Variants in UGT1A10 observed in about 807,000 individuals in gnomAD.
The protein encoded by UGT1A10 is UDP-glucuronosyltransferase 1A10.
A neutral mutation model predicts 45.8 loss-of-function variants in UGT1A10; 49 were observed. The ratio of observed to expected loss-of-function variants is 1.07; its 90% confidence interval spans 0.85 to 1.36. The LOEUF (loss-of-function observed/expected upper bound fraction) is 1.36. UGT1A10 is among the 40% of genes most tolerant of loss of function. The pLI, the probability that UGT1A10 is intolerant of heterozygous loss-of-function variation, is 0.00. For synonymous variants in UGT1A10, 284 were observed against 249.7 expected (o/e 1.14, Z -1.29); for missense variants, 745 against 668.6 (o/e 1.11, Z -1.26).
chr2:233,681,955 G>C, intron 1 of UGT1A10: 3 of 1,613,914 alleles, frequency 1.9e-6, no homozygotes, highest in Non-Finnish European at 2.5e-6. Context: ...GTGCAGGGTG[G>C]ACTGGCCTCC....
intron 1 of UGT1A10, chr2:233,742,938 A>G: frequency 4.7e-6 from 1 of 214,112 alleles, no homozygotes; most frequent in Admixed American, 5.3e-5. Context: ...ATTCTGTCCT[A>G]CCACTAGCAA....
At position 233,677,470 on chromosome 2, in the gene UGT1A10, T is replaced by C. The variant is rs111818188; in HGVS notation, c.855+40093T>C. Among the ~76,000 whole-genome samples, 1,389 of 152,292 alleles carry C rather than the reference T, an allele frequency of 9.1e-3. 20 individuals are homozygous for C. The highest frequency in any genetic ancestry group is 0.031 in the African/African-American group (1,307 of 41,556). ...AAAGCCTTGCCAATACCATAAACAG[T>C]CAATTAACACATAGTTTGTATGTTA... On this transcript the variant is annotated intron_variant, in intron 1 of 4. Transcript: ENST00000344644.
chr2:233,713,035 G>T, intron 1 of UGT1A10: 1 of 1,613,988 alleles, frequency 6.2e-7, no homozygotes, highest in Non-Finnish European at 8.5e-7. Context: ...CTGGCCACAG[G>T]ACTGCTGCTT....
intron 1 of UGT1A10, among the ~76,000 whole-genome samples, chr2:233,704,447 T>C (rs2075789170): frequency 6.6e-6 from 1 of 152,328 alleles, no homozygotes; most frequent in African/African-American, 2.4e-5. Context: ...TGAAATGTCA[T>C]TCCTATATAG....
Position 233,767,908 on chromosome 2 carries a change from T to C in UGT1A10, c.1047T>C (p.Val349=). ...PSNLANNTIL[V]KWLPQNDLLG... ...ATCTTGCGAACAACACGATACTTGT[T>C]AAGTGGCTACCCCAAAACGATCTGC... The change falls in exon 3 of 5, where the codon GTT becomes GTC. Residue 349 remains valine (V), a synonymous_variant. Coordinates refer to ENST00000344644, the MANE Select transcript of UGT1A10 (RefSeq NM_019075.4). 6.2e-7 allele frequency: 1 copy of C among 1,614,222 alleles called. No individual in the cohort carries two copies.
At chr2:233,737,845 C>A (rs993893058) in intron 1 of UGT1A10, among the ~76,000 whole-genome samples, 6 of 152,132 alleles carry the variant, frequency 3.9e-5, no homozygotes, top group Admixed American at 6.5e-5. Context: ...TGGCACAGGT[C>A]ACTCTTGCTA....
chr2:233,693,273 G>A lies in UGT1A10; in HGVS notation c.855+55896G>A, dbSNP rs147761911. ...TATGACCAAGAAGAGCTGAAGAACC[G>A]TTACCAATCATTTGGAAACAATCAC... On this transcript the variant is annotated intron_variant, in intron 1 of 4. Transcript: ENST00000344644. 123 of 1,614,074 alleles carry A rather than the reference G, an allele frequency of 7.6e-5. No individual in the cohort carries two copies. Among genetic ancestry groups the A allele is most frequent in the Middle Eastern group, 3.3e-4 (2 of 6,060 alleles).
At chr2:233,677,834 TA>T (rs139390163) in intron 1 of UGT1A10, among the ~76,000 whole-genome samples, 2 of 151,918 alleles carry the variant, frequency 1.3e-5, no homozygotes, top group Middle Eastern at 3.4e-3. Flanking sequence ...TAGATATATG[TA>T]AAAAAAATCG....
At position 233,675,517 on chromosome 2, in the gene UGT1A10, T is replaced by G. The variant is rs190791016; in HGVS notation, c.855+38140T>G. On this transcript the variant is annotated intron_variant, in intron 1 of 4. Coordinates refer to ENST00000344644, the MANE Select transcript of UGT1A10 (RefSeq NM_019075.4). The stretch of plus-strand genomic sequence containing the variant: ...GATATGGTTACAGATAAATAAGAGA[T>G]CTGTGCTTCCCCCCTTGCTGTAAGA... Among the ~76,000 whole-genome samples the G allele has an allele frequency of 9.2e-5, 14 of 152,240 alleles. No individual in the cohort carries two copies. In the East Asian group the frequency reaches 2.7e-3, roughly 29 times the overall value.
At chr2:233,689,976 G>C in intron 1 of UGT1A10, 1 of 454,072 alleles carries the variant, frequency 2.2e-6, no homozygotes, top group Non-Finnish European at 4.4e-6. Context: ...GAACCCACAG[G>C]CCCCTAAAAG....
At chr2:233,737,246 C>G (rs535872842) in intron 1 of UGT1A10, among the ~76,000 whole-genome samples, 2 of 152,238 alleles carry the variant, frequency 1.3e-5, no homozygotes, top group Non-Finnish European at 2.9e-5. Flanking sequence ...TGTTTACCTA[C>G]TCAAGCCTCA....
intron 1 of UGT1A10, among the ~76,000 whole-genome samples, chr2:233,686,310 C>G (rs2074783294): frequency 6.6e-6 from 1 of 151,772 alleles, no homozygotes; most frequent in African/African-American, 2.4e-5. Flanking sequence ...AGAGATAAAT[C>G]TGACTTTATC....
chr2:233,639,001 C>T (rs2073378070), intron 1 of UGT1A10, among the ~76,000 whole-genome samples: 1 of 152,208 alleles, frequency 6.6e-6, no homozygotes, highest in South Asian at 2.1e-4. Context: ...GTGTTGCCTA[C>T]ACCCCACAGC....
At chr2:233,728,912 TC>T in intron 1 of UGT1A10, among the ~76,000 whole-genome samples, 1 of 148,378 alleles carries the variant, frequency 6.7e-6, no homozygotes, top group Non-Finnish European at 1.5e-5. Context: ...GACGTGTTTT[TC>T]AAGATAGTCA....
intron 1 of UGT1A10, chr2:233,755,502 C>T (rs1234908381): frequency 5.5e-6 from 1 of 180,326 alleles, no homozygotes; most frequent in Non-Finnish European, 1.2e-5. Flanking sequence ...GCTCCAAGAC[C>T]AGGCCCCGCC....
intron 1 of UGT1A10, chr2:233,756,417 G>T (rs1392251682): frequency 6.6e-6 from 1 of 151,810 alleles, no homozygotes; most frequent in Non-Finnish European, 1.5e-5. Context: ...TGTATTATTT[G>T]TACTGTTTTT....
intron 1 of UGT1A10, among the ~76,000 whole-genome samples, chr2:233,757,571 A>T (rs112550375): frequency 1.3e-5 from 1 of 77,332 alleles, no homozygotes; most frequent in African/African-American, 6.0e-5. Context: ...TGTATATATG[A>T]TATAGCTATA....
chr2:233,653,418 AG>A (rs1051909535), intron 1 of UGT1A10, among the ~76,000 whole-genome samples: 12 of 152,182 alleles, frequency 7.9e-5, no homozygotes, highest in African/African-American at 1.9e-4. Context: ...AGGTTAAAAA[AG>A]GAAAAGTATC....
chr2:233,686,326 G>A (rs2074783596), intron 1 of UGT1A10, among the ~76,000 whole-genome samples: 1 of 151,896 alleles, frequency 6.6e-6, no homozygotes, highest in Non-Finnish European at 1.5e-5. Flanking sequence ...TTATCAAAAT[G>A]TTTTTATACA....
Sources: allele counts gnomAD v4.1 joint callset (sites outside exome capture counted in the v4.1 genomes callset), GRCh38; gene constraint gnomAD v4.1.1; transcripts MANE v1.5; gene names NCBI Gene and HGNC (gene_info 2026-07-23, HGNC 2026-07-21).